Variants in RHCG observed in about 807,000 individuals in gnomAD.
RHCG encodes the protein ammonium transporter Rh type C.
RHCG carries 39 observed loss-of-function variants against 55.3 expected under a neutral mutation model. That is an observed-to-expected ratio of 0.70 (90% CI 0.55 to 0.92). The LOEUF is 0.92. RHCG is among the 40% of genes least tolerant of loss of function. The pLI is 0.00. For synonymous variants in RHCG, 250 were observed against 246.8 expected, an observed-to-expected ratio of 1.01 and a Z score of -0.12; for missense variants, 635 against 627.9, an observed-to-expected ratio of 1.01 and a Z score of -0.12.
chr15:89,474,984 G>GCCTGCCTGCCTTCCTTCCTT (rs1961114392), intron 9 of RHCG, among the ~76,000 whole-genome samples: 1 of 75,122 alleles, frequency 1.3e-5, no homozygotes, highest in African/African-American at 8.8e-5. Context: ...ATTCATTCCT[G>GCCTGCCTGCCTTCCTTCCTT]CCTGCCTGCC....
In RHCG at chr15:89,477,009, A is replaced by G; in HGVS notation, c.1237+73T>C. 6.2e-7 allele frequency: 1 copy of G among 1,603,372 alleles called. No homozygotes were observed. The highest frequency in any genetic ancestry group is 8.5e-7 in the Non-Finnish European group (1 of 1,172,204). The stretch of plus-strand genomic sequence containing the variant: ...GGGGGCTCAGGCTGACCTGTGCCGC[A>G]TGCCCTTTGCTTCTCCACCCAGGGA... On this transcript the variant is annotated intron_variant, in intron 8 of 10. Transcript: ENST00000268122. This position sits in a 1 kb window ranked among gnomAD's most constrained non-coding sequence, Gnocchi z 4.5.
intron 3 of RHCG, 97 bp downstream of exon 3, chr15:89,482,970 G>T (rs966991433): frequency 4.8e-6 from 6 of 1,238,812 alleles, no homozygotes; most frequent in East Asian, 2.5e-5. Context: ...TAAGTGACTC[G>T]CCAGGCTGGC....
At chr15:89,490,664 G>A (rs1241121482) in intron 1 of RHCG, among the ~76,000 whole-genome samples, 1 of 152,102 alleles carries the variant, frequency 6.6e-6, no homozygotes, top group East Asian at 1.9e-4. Flanking sequence ...AGCGGGGAGG[G>A]GAGTTGGCAG....
intron 1 of RHCG, among the ~76,000 whole-genome samples, chr15:89,487,824 T>C (rs8023280): frequency 0.96 from 146,529 of 152,320 alleles, 70,684 homozygotes; most frequent in Middle Eastern, 0.99. Context: ...CAGATGTCAT[T>C]GTTTATGTTC....
chr15:89,476,129 C>A (rs562737624), intron 9 of RHCG, among the ~76,000 whole-genome samples: 10 of 152,164 alleles, frequency 6.6e-5, no homozygotes, highest in African/African-American at 2.4e-4. Flanking sequence ...TGCAGTGGCG[C>A]CATCATGGCT....
At chr15:89,482,543 A>G (rs1161304957) in intron 3 of RHCG, among the ~76,000 whole-genome samples, 8 of 152,214 alleles carry the variant, frequency 5.3e-5, no homozygotes, top group Admixed American at 2.6e-4. Flanking sequence ...CTTCTGAGAT[A>G]GAGTCAGAGG....
intron 1 of RHCG, among the ~76,000 whole-genome samples, chr15:89,490,862 G>A (rs544788566): frequency 3.5e-4 from 54 of 152,246 alleles, no homozygotes; most frequent in Middle Eastern, 3.4e-3. Flanking sequence ...GCTGAGGTCT[G>A]AGATTGGCCA....
intron 9 of RHCG, 149 bp from the exon 10 acceptor site, chr15:89,473,012 C>G: frequency 1.1e-6 from 1 of 898,840 alleles, no homozygotes; most frequent in Non-Finnish European, 1.6e-6. Flanking sequence ...GCAGGGTGGT[C>G]CTTCAACACA....
At chr15:89,478,026 C>A (rs564733275) in intron 5 of RHCG, 52 bp from the exon 6 acceptor site, 2 of 1,556,236 alleles carry the variant, frequency 1.3e-6, no homozygotes, top group South Asian at 2.4e-5. Context: ...CCTGGAGCAC[C>A]GGGCCTGGAG....
At chr15:89,476,016 T>G (rs1342019000) in intron 9 of RHCG, among the ~76,000 whole-genome samples, 4 of 151,768 alleles carry the variant, frequency 2.6e-5, no homozygotes, top group African/African-American at 9.7e-5. Context: ...GCTCTCGCTC[T>G]CTCTCTCTCT....
chr15:89,479,452 T>C lies in RHCG; in HGVS notation c.707A>G (p.Asn236Ser), dbSNP rs1961223154. ...GTCCCCATGGTAGGATATGGCTGAG[T>C]TGAAGCTGGGCCAGTACATCCACAG... Reference protein sequence around the residue: ...LFLWMYWPSFNSAISYHGDSQ... With the variant: ...LFLWMYWPSFSSAISYHGDSQ... The change falls in exon 5 of 11, where the codon AAC becomes AGC. Residue 236 changes from asparagine (N) to serine (S), a missense_variant. Transcript: ENST00000268122. 1 of 1,613,540 alleles carries C rather than the reference T, an allele frequency of 6.2e-7. No individual in the cohort carries two copies. Among genetic ancestry groups the C allele is most frequent in the Admixed American group, 1.7e-5 (1 of 59,956 alleles).
At chr15:89,487,797 T>A (rs770577906) in intron 1 of RHCG, among the ~76,000 whole-genome samples, 3 of 152,244 alleles carry the variant, frequency 2.0e-5, no homozygotes, top group Admixed American at 2.0e-4. Flanking sequence ...TACCCCATAG[T>A]AGGTGATCTA....
At chr15:89,482,798 T>C (rs564111401) in intron 3 of RHCG, among the ~76,000 whole-genome samples, 24 of 152,250 alleles carry the variant, frequency 1.6e-4, no homozygotes, top group African/African-American at 5.1e-4. Flanking sequence ...ATTCATTCCA[T>C]GTGATGTGTG....
rs774803760 is a variant in RHCG at position 89,477,953 on chromosome 15, G to T, written c.859C>A (p.Leu287Ile). The T allele has an allele frequency of 6.2e-7, 1 of 1,609,912 alleles. No individual in the cohort carries two copies. The highest frequency in any genetic ancestry group is 1.1e-5 in the South Asian group (1 of 90,744). ...LDMVHIQNATLAGGVAVGTAA... is the reference protein window; with the variant it reads ...LDMVHIQNATIAGGVAVGTAA... ...GTACCCACGGCCACCCCTCCTGCGA[G>T]CGTGGCATTCTGGATGTGCACCTGG... The change falls in exon 6 of 11, where the codon CTC becomes ATC. Residue 287 changes from leucine to isoleucine, a missense_variant. By Grantham distance (5) the Leu-to-Ile change is conservative (BLOSUM62 2). Coordinates refer to ENST00000268122, the MANE Select transcript of RHCG (RefSeq NM_016321.3). This position sits in a 1 kb window ranked among gnomAD's most constrained non-coding sequence, Gnocchi z 4.5.
rs756974423 is a variant in RHCG, at chr15:89,486,939, G to A, written c.231C>T (p.Leu77=). 26 of 1,610,240 alleles carry A rather than the reference G, an allele frequency of 1.6e-5. No individual in the cohort carries two copies. Among genetic ancestry groups the A allele is most frequent in the African/African-American group, 8.0e-5 (6 of 74,846 alleles). ...HVMVFVGFGF[L]MTFLQRYGFS... ...AGCCGTAGCGCTGCAGGAAAGTCAT[G>A]AGGAAGCCGAAGCCCACGAAGACCA... Residue 77 remains leucine (L), a synonymous_variant, in exon 2 of 11, where the codon CTC becomes CTT. Transcript: ENST00000268122.
chr15:89,495,712 G>A lies in RHCG; in HGVS notation c.184+649C>T, dbSNP rs568678919. Among the ~76,000 whole-genome samples, 10 of 152,328 alleles carry A rather than the reference G, an allele frequency of 6.6e-5. No homozygotes were observed. The East Asian group carries it at 1.9e-3, about 29-fold the overall frequency. The stretch of plus-strand genomic sequence containing the variant: ...GCCTCACCCCAACCCCTGTGAAGGA[G>A]GTCCTACCATTATCTTCATTCTGTA... On this transcript the variant is annotated intron_variant, in intron 1 of 10. Coordinates refer to ENST00000268122, the MANE Select transcript of RHCG (RefSeq NM_016321.3).
chr15:89,486,174 C>T (rs919186989), intron 2 of RHCG: 4 of 443,236 alleles, frequency 9.0e-6, no homozygotes, highest in Non-Finnish European at 1.8e-5. Context: ...AGGGCTTCAG[C>T]CCTAACACTC....
At chr15:89,491,041 G>A (rs904908896) in intron 1 of RHCG, among the ~76,000 whole-genome samples, 4 of 152,160 alleles carry the variant, frequency 2.6e-5, no homozygotes, top group Non-Finnish European at 4.4e-5. Context: ...GGGTCCTTTC[G>A]ATGAGAAGGG....
At chr15:89,473,258 GGTA>G (rs1961073421) in intron 9 of RHCG, among the ~76,000 whole-genome samples, 1 of 152,198 alleles carries the variant, frequency 6.6e-6, no homozygotes, top group African/African-American at 2.4e-5. Flanking sequence ...GGCGGTAAAA[GGTA>G]GTATGGCAAG....
Sources: gnomAD v4.1 joint callset for allele counts (sites outside exome capture counted in the v4.1 genomes callset) on GRCh38, gnomAD v4.1.1 for gene constraint, Gnocchi (gnomAD v3.1) non-coding constraint, MANE v1.5 for transcripts, NCBI Gene and HGNC (gene_info 2026-07-23, HGNC 2026-07-21) for gene names.